CPNE2: variants seen among roughly 807,000 people sequenced by gnomAD.
CPNE2 encodes copine 2.
A neutral mutation model predicts 69.7 loss-of-function variants in CPNE2; 42 were observed. The ratio of observed to expected loss-of-function variants is 0.60; its 90% confidence interval spans 0.47 to 0.78. CPNE2 has a LOEUF of 0.78. Ranked by LOEUF, CPNE2 falls within the 30% of genes least tolerant of loss-of-function variation. The pLI is 0.00. For synonymous variants in CPNE2, 294 were observed against 289.8 expected, an observed-to-expected ratio of 1.01 and a Z score of -0.15; for missense variants, 587 against 732.0, an observed-to-expected ratio of 0.80 and a Z score of 2.29.
intron 1 of CPNE2, among the ~76,000 whole-genome samples, chr16:57,099,093 G>A (rs757611138): frequency 6.6e-6 from 1 of 152,148 alleles, no homozygotes. Flanking sequence ...CAAAGCCCCC[G>A]GTGTCCCCTT....
intron 14 of CPNE2, among the ~76,000 whole-genome samples, chr16:57,138,244 G>T (rs773840443): frequency 2.6e-5 from 4 of 152,086 alleles, no homozygotes; most frequent in African/African-American, 9.7e-5. Flanking sequence ...GAAAGAAGAG[G>T]GTTGCTGAAG....
rs573765920 is a variant in CPNE2, at chr16:57,094,251, T to C, written c.-36+1461T>C. On this transcript the variant is annotated intron_variant, in intron 1 of 15. Transcript: ENST00000290776. ...TTGTCACCCCTTGGACTTGGGGGGTTTTCTGTCTGTAAAATGAGGCAAACT... is the reference window on the plus strand; with the variant it reads ...TTGTCACCCCTTGGACTTGGGGGGTCTTCTGTCTGTAAAATGAGGCAAACT... 3.3e-5 allele frequency among the ~76,000 whole-genome samples: 5 copies of C among 152,152 alleles called. No individual in the cohort carries two copies. The East Asian group carries it at 7.7e-4, about 24-fold the overall frequency.
intron 12 of CPNE2, among the ~76,000 whole-genome samples, chr16:57,131,228 C>G (rs1368170545): frequency 2.0e-5 from 3 of 152,250 alleles, no homozygotes; most frequent in African/African-American, 4.8e-5. Flanking sequence ...AGCTCCTAAG[C>G]CTGCACATGG....
chr16:57,102,694 C>T (rs1246843946), intron 1 of CPNE2, among the ~76,000 whole-genome samples: 1 of 151,972 alleles, frequency 6.6e-6, no homozygotes, highest in African/African-American at 2.4e-5. Context: ...CTCCACTTCC[C>T]AGGTTCAAGC....
In CPNE2 at chr16:57,127,992, C is replaced by T. The variant is rs2069812531; in HGVS notation, c.1116+89C>T. 38 of 1,359,552 alleles carry T rather than the reference C, an allele frequency of 2.8e-5. 1 individual carries two copies. In the South Asian group the frequency reaches 4.2e-4, roughly 15 times the overall value. The allele number at this position is 1,359,552 out of a possible 1,614,324, so 84.2% of individuals were successfully genotyped here. On this transcript the variant is annotated intron_variant, in intron 12 of 15. Coordinates refer to ENST00000290776, the MANE Select transcript of CPNE2 (RefSeq NM_152727.6). ...GGATCAGCTCTGGAAAGGTCTTGGG[C>T]TGGGGCCCTGTTGCCCTGCCTTCCC... is the stretch of plus-strand genomic sequence containing the variant.
At chr16:57,142,724 G>C (rs1367528625) in intron 14 of CPNE2, 2 of 152,204 alleles carry the variant, frequency 1.3e-5, no homozygotes, top group Admixed American at 1.3e-4. Context: ...GAAGCACCCA[G>C]CCAGCTCCCT....
In CPNE2 at chr16:57,119,566, C is replaced by T. The variant is rs11544920; in HGVS notation, c.597C>T (p.Ile199=). Residue 199 remains isoleucine (I), a synonymous_variant, in exon 7 of 16, where the codon ATC becomes ATT. Coordinates refer to ENST00000290776, the MANE Select transcript of CPNE2 (RefSeq NM_152727.6). ...KWMLVHRTEV[I]KYTLDPVWKP... Reference sequence around the variant, plus strand: ...CATCCCTCTCTGTCCCACAGGTGATCAAGTACACACTGGACCCTGTGTGGA... The same window carrying T: ...CATCCCTCTCTGTCCCACAGGTGATTAAGTACACACTGGACCCTGTGTGGA... 6.2e-7 allele frequency: 1 copy of T among 1,612,028 alleles called. No homozygotes were observed. The highest frequency in any genetic ancestry group is 8.5e-7 in the Non-Finnish European group (1 of 1,179,044).
intron 10 of CPNE2, chr16:57,125,489 G>A: frequency 2.5e-6 from 1 of 400,732 alleles, no homozygotes; most frequent in Non-Finnish European, 5.0e-6. Context: ...AGCAAAGTTA[G>A]ACGGGAAGAA....
intron 14 of CPNE2, among the ~76,000 whole-genome samples, chr16:57,139,629 A>G (rs1354271802): frequency 6.6e-6 from 1 of 152,232 alleles, no homozygotes; most frequent in African/African-American, 2.4e-5. Context: ...TTGAAGGGTT[A>G]GAAGCAAGAT....
At chr16:57,131,288 C>A (rs1398811775) in intron 12 of CPNE2, among the ~76,000 whole-genome samples, 1 of 152,234 alleles carries the variant, frequency 6.6e-6, no homozygotes, top group African/African-American at 2.4e-5. Flanking sequence ...TGCCGCATTG[C>A]TGTTTCCAGA....
intron 2 of CPNE2, among the ~76,000 whole-genome samples, chr16:57,111,973 T>C (rs990529612): frequency 2.0e-4 from 30 of 152,258 alleles, no homozygotes; most frequent in African/African-American, 7.2e-4. Context: ...CCACCTGTCA[T>C]AGAGAACCAC....
At chr16:57,129,885 C>T (rs1446986006) in intron 12 of CPNE2, among the ~76,000 whole-genome samples, 1 of 152,050 alleles carries the variant, frequency 6.6e-6, no homozygotes, top group African/African-American at 2.4e-5. Context: ...AGAGACCTGG[C>T]CACCTGGGCC....
chr16:57,098,213 G>A lies in CPNE2; in HGVS notation c.-36+5423G>A, dbSNP rs1311373517. On this transcript the variant is annotated intron_variant, in intron 1 of 15. Coordinates refer to ENST00000290776, the MANE Select transcript of CPNE2 (RefSeq NM_152727.6). ...TGGTGGAAGCTGGGGGTCCCCAGGGGGGCCTCAGGGCCAACCCCTGCTGCA... is the reference window on the plus strand; with the variant it reads ...TGGTGGAAGCTGGGGGTCCCCAGGGAGGCCTCAGGGCCAACCCCTGCTGCA... Among the ~76,000 whole-genome samples, 7 of 152,352 alleles carry A rather than the reference G, an allele frequency of 4.6e-5. No individual in the cohort carries two copies. In the East Asian group the frequency reaches 1.3e-3, roughly 29 times the overall value.
intron 2 of CPNE2, among the ~76,000 whole-genome samples, chr16:57,112,362 G>C (rs2069686751): frequency 1.3e-5 from 2 of 152,108 alleles, no homozygotes; most frequent in Non-Finnish European, 2.9e-5. Context: ...CAGGTCTCTA[G>C]AACCCTTGAG....
intron 1 of CPNE2, among the ~76,000 whole-genome samples, chr16:57,105,192 G>A (rs2069640399): frequency 6.6e-6 from 1 of 152,220 alleles, no homozygotes; most frequent in African/African-American, 2.4e-5. Context: ...TGACATAGTG[G>A]AAGTGGGGAG....
chr16:57,125,336 C>T (rs4784771), intron 10 of CPNE2: 284,372 of 455,778 alleles, frequency 0.62, 90,109 homozygotes, highest in Admixed American at 0.77. Context: ...ATCGGGGAGA[C>T]GGGCACTGCT....
intron 1 of CPNE2, among the ~76,000 whole-genome samples, chr16:57,108,546 A>T (rs189069513): frequency 1.8e-4 from 27 of 152,326 alleles, no homozygotes; most frequent in African/African-American, 5.3e-4. Context: ...CACTGGGATG[A>T]CAGGGCCAGT....
At chr16:57,119,505 C>A in intron 6 of CPNE2, 56 bp from the exon 7 acceptor site, 1 of 1,479,850 alleles carries the variant, frequency 6.8e-7, no homozygotes, top group Non-Finnish European at 9.4e-7. Context: ...GCTGACCCAA[C>A]CCCAGAGCAC....
chr16:57,105,575 A>G (rs2069643239), intron 1 of CPNE2, among the ~76,000 whole-genome samples: 1 of 152,092 alleles, frequency 6.6e-6, no homozygotes, highest in Admixed American at 6.5e-5. Flanking sequence ...TGCTGAGATT[A>G]CAGGTGTGAG....
Sources: gnomAD v4.1 joint callset for allele counts (sites outside exome capture counted in the v4.1 genomes callset) on GRCh38, gnomAD v4.1.1 for gene constraint, MANE v1.5 for transcripts, NCBI Gene and HGNC (gene_info 2026-07-23, HGNC 2026-07-21) for gene names.